CRAMP1: variants seen among roughly 807,000 people sequenced by gnomAD.
CRAMP1 encodes protein cramped-like.
In CRAMP1, 50 loss-of-function variants were observed where a neutral mutation model predicts 115.4. The ratio of observed to expected loss-of-function variants is 0.43; its 90% CI spans 0.35 to 0.55. CRAMP1 has a LOEUF of 0.55. CRAMP1 is among the 20% of genes least tolerant of loss of function. CRAMP1 has a pLI of 0.01. For missense variants in CRAMP1, 1,679 were observed against 1,721.7 expected (o/e 0.98, Z 0.44); for synonymous variants, 866 against 745.4 (o/e 1.16, Z -2.64).
At chr16:1,632,510 C>G (rs2036555338) in intron 4 of CRAMP1, 145 bp downstream of exon 4, 1 of 841,054 alleles carries the variant, frequency 1.2e-6, no homozygotes, top group African/African-American at 1.7e-5. Flanking sequence ...CCTTGCAGCG[C>G]TTTGGCTGAT....
chr16:1,636,260 A>C lies in CRAMP1; in HGVS notation c.695-1564A>C, dbSNP rs571074070. Among the ~76,000 whole-genome samples, 8 of 152,244 alleles carry C rather than the reference A, an allele frequency of 5.3e-5. No individual in the cohort carries two copies. In the South Asian group the frequency reaches 1.7e-3, roughly 32 times the overall value. ...GTGGCGCATGCCTGTAATCCCAGCTACTTGGGAGGCTGAGGCAGGAGAATC... is the reference window on the plus strand; with the variant it reads ...GTGGCGCATGCCTGTAATCCCAGCTCCTTGGGAGGCTGAGGCAGGAGAATC... On this transcript the variant is annotated intron_variant, in intron 4 of 20. Coordinates refer to ENST00000397412, the MANE Select transcript of CRAMP1 (RefSeq NM_020825.4).
chr16:1,667,739 A>C (rs1297864348), intron 17 of CRAMP1, among the ~76,000 whole-genome samples: 1 of 152,198 alleles, frequency 6.6e-6, no homozygotes, highest in Non-Finnish European at 1.5e-5. Context: ...CAGTCAAAGC[A>C]GGTCCAGGCC....
intron 4 of CRAMP1, among the ~76,000 whole-genome samples, chr16:1,634,931 C>T (rs2036575416): frequency 6.6e-6 from 1 of 152,164 alleles, no homozygotes; most frequent in South Asian, 2.1e-4. Context: ...CAGAGTCTTG[C>T]TCTGTTGCCC....
In CRAMP1 at chr16:1,669,094, T is replaced by G; in HGVS notation, c.3428T>G (p.Ile1143Ser). The G allele has an allele frequency of 6.2e-7, 1 of 1,611,738 alleles. No individual in the cohort carries two copies. The highest frequency in any genetic ancestry group is 8.5e-7 in the Non-Finnish European group (1 of 1,178,992). Reference sequence around the variant, plus strand: ...TCCAGCAGCCCCCAGCCACACTGGATCGCCTCTCCCACCCACGACCCCCAG... The same window carrying G: ...TCCAGCAGCCCCCAGCCACACTGGAGCGCCTCTCCCACCCACGACCCCCAG... ...SPSSSPQPHW[I>S]ASPTHDPQWY... Residue 1143 changes from isoleucine (I) to serine (S), a missense_variant, in exon 19 of 21, where the codon ATC becomes AGC. Ile to Ser is a moderately radical substitution (Grantham distance 142). Coordinates refer to ENST00000397412, the MANE Select transcript of CRAMP1 (RefSeq NM_020825.4). The surrounding 1 kb of genome is among the most constrained non-coding windows in gnomAD (Gnocchi z 4.6).
In CRAMP1 at chr16:1,656,830, C is replaced by G. The variant is rs183080432; in HGVS notation, c.2073C>G (p.Val691=). The G allele has an allele frequency of 6.4e-7, 1 of 1,550,448 alleles. No homozygotes were observed. The change falls in exon 10 of 21, where the codon GTC becomes GTG. Residue 691 remains valine (V), a synonymous_variant. Transcript: ENST00000397412. This position sits in a 1 kb window ranked among gnomAD's most constrained non-coding sequence, Gnocchi z 5.6. ...CCGAAAGCCTCACGCTGGCCGAAGTCTACCTCATGATGGGCAAGCCCAGCA... is the reference window on the plus strand; with the variant it reads ...CCGAAAGCCTCACGCTGGCCGAAGTGTACCTCATGATGGGCAAGCCCAGCA... ...QTSESLTLAE[V]YLMMGKPSKL... is the part of the protein sequence containing the mutation.
At chr16:1,634,421 C>T (rs544574732) in intron 4 of CRAMP1, among the ~76,000 whole-genome samples, 3 of 152,188 alleles carry the variant, frequency 2.0e-5, no homozygotes, top group South Asian at 2.1e-4. Flanking sequence ...CTTGCTGGTG[C>T]GAGGAGGCCT....
chr16:1,646,728 T>A (rs1361155331), intron 6 of CRAMP1, among the ~76,000 whole-genome samples: 4 of 152,260 alleles, frequency 2.6e-5, no homozygotes, highest in Admixed American at 2.6e-4. Context: ...ATCTAAGAAC[T>A]CTTTGCCTAA....
chr16:1,654,641 ACTC>A (rs2036753850), intron 8 of CRAMP1, among the ~76,000 whole-genome samples: 1 of 151,100 alleles, frequency 6.6e-6, no homozygotes, highest in African/African-American at 2.4e-5. Context: ...CTCAGCACTC[ACTC>A]CTCTATTCTC....
chr16:1,667,461 T>C, intron 17 of CRAMP1, 61 bp downstream of exon 17: 2 of 1,347,122 alleles, frequency 1.5e-6, no homozygotes, highest in African/African-American at 1.4e-5. Flanking sequence ...TCCAGTGCCC[T>C]GAGCTGCCAC....
Position 1,656,754 on chromosome 16 carries a change from C to A in CRAMP1, c.1997C>A (p.Ala666Asp), listed in dbSNP as rs759207917. The A allele has an allele frequency of 1.3e-6, 2 of 1,548,518 alleles. No homozygotes were observed. The highest frequency in any genetic ancestry group is 3.9e-5 in the Admixed American group (2 of 50,970). ...PAARPPKEVP[A>D]SRLAQQLREE... ...GCCAGGCCCCCGAAGGAGGTCCCCG[C>A]CAGCCGGCTGGCTCAGCAGCTCCGT... The change falls in exon 10 of 21, where the codon GCC (alanine) becomes GAC (aspartate). Residue 666 changes from alanine to aspartate, a missense_variant. By Grantham distance (126) the Ala-to-Asp change is moderately radical. Around this residue, in one of 8 missense-constraint regions of CRAMP1, gnomAD observed 405 missense variants for 302.6 expected, o/e 1.34. Coordinates refer to ENST00000397412, the MANE Select transcript of CRAMP1 (RefSeq NM_020825.4). The surrounding 1 kb of genome is among the most constrained non-coding windows in gnomAD (Gnocchi z 5.6).
chr16:1,653,472 C>G (rs1354262322), intron 8 of CRAMP1, among the ~76,000 whole-genome samples: 1 of 152,218 alleles, frequency 6.6e-6, no homozygotes, highest in Non-Finnish European at 1.5e-5. Flanking sequence ...TTCTTGGAGA[C>G]TCGTGGCTCG....
At chr16:1,618,601 G>A (rs965570928) in intron 2 of CRAMP1, among the ~76,000 whole-genome samples, 1 of 152,236 alleles carries the variant, frequency 6.6e-6, no homozygotes, top group African/African-American at 2.4e-5. Context: ...CTCCAGAATA[G>A]GGTAATGTAG....
At position 1,638,841 on chromosome 16, in the gene CRAMP1, C is replaced by T. The variant is rs1043088232; in HGVS notation, c.778+934C>T. Among the ~76,000 whole-genome samples the T allele has an allele frequency of 2.6e-5, 4 of 151,820 alleles. No individual in the cohort carries two copies. The East Asian group carries it at 7.7e-4, about 29-fold the overall frequency. On this transcript the variant is annotated intron_variant, in intron 5 of 20. Transcript: ENST00000397412. ...CCCCTCCATGCCTTGCTGTGTCCTG[C>T]GGGGTGGCTGCTGCAATCTAGTGTG... is the stretch of plus-strand genomic sequence containing the variant.
Position 1,666,530 on chromosome 16 carries a change from T to C in CRAMP1, c.2966T>C (p.Val989Ala). 6.2e-7 allele frequency: 1 copy of C among 1,613,948 alleles called. No individual in the cohort carries two copies. The highest frequency in any genetic ancestry group is 8.5e-7 in the Non-Finnish European group (1 of 1,179,870). Reference protein sequence around the residue: ...SGISPLSSDEVTGAISGQDST... With the variant: ...SGISPLSSDEATGAISGQDST... The stretch of plus-strand genomic sequence containing the variant: ...ATCTCTCCACTGTCTTCAGACGAGG[T>C]GACGGGTGCCATCTCGGGGCAGGAC... The change falls in exon 16 of 21, where the codon GTG becomes GCG. Residue 989 changes from valine (V) to alanine (A), a missense_variant. Coordinates refer to ENST00000397412, the MANE Select transcript of CRAMP1 (RefSeq NM_020825.4). The surrounding 1 kb of genome is among the most constrained non-coding windows in gnomAD (Gnocchi z 5.0).
At position 1,622,753 on chromosome 16, in the gene CRAMP1, CT is replaced by C. The variant is rs936343370; in HGVS notation, c.347-3201del. On this transcript the variant is annotated intron_variant, in intron 2 of 20. Coordinates refer to ENST00000397412, the MANE Select transcript of CRAMP1 (RefSeq NM_020825.4). The stretch of plus-strand genomic sequence containing the variant: ...GTGTGCCACCACGCCCGGCAGTCTA[CT>C]TTTTTTTTTTTTTTTTTTCTTTTTT... Among the ~76,000 whole-genome samples the C allele has an allele frequency of 2.7e-3, 345 of 129,332 alleles. 1 individual carries two copies. The highest frequency in any genetic ancestry group is 0.012 in the Middle Eastern group (3 of 254). The allele number at this position is 129,332 out of a possible 152,430, so 84.8% of individuals were successfully genotyped here.
chr16:1,653,076 G>C lies in CRAMP1; in HGVS notation c.957G>C (p.Leu319=). 1 of 1,613,328 alleles carries C rather than the reference G, an allele frequency of 6.2e-7. No homozygotes were observed. The highest frequency in any genetic ancestry group is 1.1e-5 in the South Asian group (1 of 90,840). ...EEDQKPVRLP[L]KVPIELQPRN... is the part of the protein sequence containing the mutation. ...ACCAGAAGCCAGTGCGCCTGCCTCT[G>C]AAAGTCCCTATAGAGCTACAGCCGC... The change falls in exon 8 of 21, where the codon CTG becomes CTC. Residue 319 remains leucine (L), a synonymous_variant. Coordinates refer to ENST00000397412, the MANE Select transcript of CRAMP1 (RefSeq NM_020825.4).
rs1210212849 is a variant in CRAMP1 at position 1,665,081 on chromosome 16, G to A, written c.2695G>A (p.Glu899Lys). ...GAGAACACTGCTCCCTAGACCATCG[G>A]AAAACCAGTCCCACAACGTTTGTTC... Reference protein sequence around the residue: ...VQRTLLPRPSENQSHNVCSFS... With the variant: ...VQRTLLPRPSKNQSHNVCSFS... Residue 899 changes from glutamate to lysine, a missense_variant, in exon 14 of 21, where the codon GAA becomes AAA. By Grantham distance (56) the Glu-to-Lys change is moderately conservative. Transcript: ENST00000397412. The A allele has an allele frequency of 1.2e-6, 2 of 1,612,920 alleles. No homozygotes were observed. Among genetic ancestry groups the A allele is most frequent in the African/African-American group, 1.3e-5 (1 of 74,866 alleles).
rs1411866292 is a variant in CRAMP1 at position 1,676,621 on chromosome 16, G to T, written c.*2576G>T. 1 of 152,240 alleles carries T rather than the reference G, an allele frequency of 6.6e-6. No individual in the cohort carries two copies. The highest frequency in any genetic ancestry group is 2.4e-5 in the African/African-American group (1 of 41,462). 9.4% of individuals were successfully genotyped at this position (152,240 alleles called of 1,614,324 possible). ...TTTGAGCATGCTGTAATTAAGATGA[G>T]ATCAGTTTCTTAGAAAAAGCTTTCC... On this transcript the variant is annotated 3_prime_UTR_variant, in exon 21 of 21. Coordinates refer to ENST00000397412, the MANE Select transcript of CRAMP1 (RefSeq NM_020825.4).
chr16:1,668,242 T>A (rs2036893329), intron 18 of CRAMP1, 49 bp downstream of exon 18: 1 of 1,332,620 alleles, frequency 7.5e-7, no homozygotes, highest in Non-Finnish European at 1.1e-6. Context: ...GGTGTTGATC[T>A]CCTGCCCCAA....
Sources: gnomAD v4.1 joint callset for allele counts (sites outside exome capture counted in the v4.1 genomes callset) on GRCh38, gnomAD v4.1.1 for gene constraint, gnomAD v4.1.1 regional missense constraint, Gnocchi (gnomAD v3.1) non-coding constraint, MANE v1.5 for transcripts, NCBI Gene and HGNC (gene_info 2026-07-23, HGNC 2026-07-21) for gene names.